Variants in ASH1L observed in about 807,000 individuals in gnomAD.
The protein encoded by ASH1L is histone-lysine N-methyltransferase ASH1L.
A neutral mutation model predicts 269.0 loss-of-function variants in ASH1L; 23 were observed. The ratio of observed to expected loss-of-function variants is 0.09; its 90% confidence interval spans 0.06 to 0.12. The LOEUF is 0.12. Among genes scored for constraint, ASH1L ranks in the 10% least tolerant of loss-of-function variants. ASH1L has a pLI of 1.00. For missense variants in ASH1L, 2,912 were observed against 3,567.8 expected (o/e 0.82, Z 4.68); for synonymous variants, 1,187 against 1,253.5 (o/e 0.95, Z 1.12).
chr1:155,548,579 C>G (rs1238354952), intron 1 of ASH1L, among the ~76,000 whole-genome samples: 1 of 152,176 alleles, frequency 6.6e-6, no homozygotes, highest in African/African-American at 2.4e-5. Flanking sequence ...ACATTTGTCT[C>G]TACATCTTGA....
At chr1:155,345,252 C>T (rs1558015609) in intron 21 of ASH1L, among the ~76,000 whole-genome samples, 1 of 127,544 alleles carries the variant, frequency 7.8e-6, no homozygotes, top group Non-Finnish European at 1.6e-5. Flanking sequence ...GTGATCTTGG[C>T]TCATTGCAAC....
intron 6 of ASH1L, among the ~76,000 whole-genome samples, chr1:155,406,712 T>C (rs1224897519): frequency 6.6e-6 from 1 of 151,804 alleles, no homozygotes; most frequent in Non-Finnish European, 1.5e-5. Flanking sequence ...AAAAAATAAA[T>C]AAATAAAAAA....
At chr1:155,422,501 G>A (rs1358502636) in intron 5 of ASH1L, among the ~76,000 whole-genome samples, 4 of 151,586 alleles carry the variant, frequency 2.6e-5, no homozygotes. Context: ...ACATGCCTCT[G>A]CCTCCCAAAG....
chr1:155,405,038 T>C (rs1026755345), intron 6 of ASH1L, among the ~76,000 whole-genome samples: 4 of 148,648 alleles, frequency 2.7e-5, no homozygotes, highest in South Asian at 2.1e-4. Flanking sequence ...AAAAAAATAA[T>C]AATAATAGAA....
At chr1:155,365,861 C>T (rs1164377261) in intron 12 of ASH1L, among the ~76,000 whole-genome samples, 1 of 152,134 alleles carries the variant, frequency 6.6e-6, no homozygotes, top group Non-Finnish European at 1.5e-5. Flanking sequence ...ACCTTGGATA[C>T]AAGAGACCCT....
intron 1 of ASH1L, among the ~76,000 whole-genome samples, chr1:155,532,860 CATATATATGTGTATATATATGTAT>C (rs1450848160): frequency 1.4e-5 from 2 of 147,118 alleles, no homozygotes; most frequent in Non-Finnish European, 3.0e-5. Flanking sequence ...TATATGCACA[CATATATATGTGTATATATATGTAT>C]ATATATATGT....
intron 1 of ASH1L, among the ~76,000 whole-genome samples, chr1:155,533,937 AAT>A (rs1669865832): frequency 1.3e-5 from 2 of 152,086 alleles, no homozygotes; most frequent in African/African-American, 4.8e-5. Context: ...AGAGCCTCAA[AAT>A]ATGTTTTGAG....
intron 4 of ASH1L, among the ~76,000 whole-genome samples, chr1:155,442,880 T>C (rs931659311): frequency 3.3e-5 from 5 of 152,178 alleles, no homozygotes; most frequent in African/African-American, 1.2e-4. Flanking sequence ...ATTCATTCTT[T>C]AGTTTACAGT....
intron 4 of ASH1L, among the ~76,000 whole-genome samples, chr1:155,448,820 T>C (rs1179123882): frequency 6.6e-6 from 1 of 151,918 alleles, no homozygotes; most frequent in African/African-American, 2.4e-5. Context: ...AATGCAGGTT[T>C]TACTTGCTCT....
At chr1:155,419,550 C>T (rs1660503001) in intron 5 of ASH1L, 1 of 152,104 alleles carries the variant, frequency 6.6e-6, no homozygotes, top group South Asian at 2.1e-4. Flanking sequence ...TTGTTCCACA[C>T]AAAAATCGAA....
chr1:155,466,013 C>G (rs1317053965), intron 3 of ASH1L, among the ~76,000 whole-genome samples: 1 of 152,134 alleles, frequency 6.6e-6, no homozygotes, highest in Non-Finnish European at 1.5e-5. Flanking sequence ...ACTAAATGCA[C>G]TACAAGAGAG....
At chr1:155,495,934 G>A (rs1667122698) in intron 2 of ASH1L, among the ~76,000 whole-genome samples, 1 of 152,098 alleles carries the variant, frequency 6.6e-6, no homozygotes, top group Admixed American at 6.5e-5. Context: ...GGAGGCGGAG[G>A]CTGCAGTGAG....
intron 6 of ASH1L, among the ~76,000 whole-genome samples, chr1:155,409,807 T>C (rs977741549): frequency 6.6e-6 from 1 of 152,000 alleles, no homozygotes; most frequent in African/African-American, 2.4e-5. Context: ...ATCATGAAGA[T>C]AGGATCAAAG....
intron 4 of ASH1L, among the ~76,000 whole-genome samples, chr1:155,449,254 T>C (rs1293601912): frequency 6.6e-6 from 1 of 152,214 alleles, no homozygotes; most frequent in African/African-American, 2.4e-5. Flanking sequence ...TTCATTTTTA[T>C]TCATTTCAAA....
rs966281418 is a variant in ASH1L at position 155,415,810 on chromosome 1, G to A, written c.5942C>T (p.Pro1981Leu). 3.1e-6 allele frequency: 5 copies of A among 1,613,836 alleles called. No homozygotes were observed. The highest frequency in any genetic ancestry group is 4.2e-6 in the Non-Finnish European group (5 of 1,180,002). The change falls in exon 6 of 28, where the codon CCC (proline) becomes CTC (leucine). Residue 1981 changes from proline to leucine, a missense_variant. Pro to Leu is a moderately conservative substitution (Grantham distance 98). Coordinates refer to ENST00000392403, the MANE Select transcript of ASH1L (RefSeq NM_018489.3). ...ATACTTCTTCTTTGGGGGACGTGGG[G>A]GCTTCTTTTCCCTTGGGATGAGAGA... ...VLSLIPREKK[P>L]PRPPKKKYQK...
At chr1:155,552,200 C>T (rs1351908636) in intron 1 of ASH1L, among the ~76,000 whole-genome samples, 1 of 152,140 alleles carries the variant, frequency 6.6e-6, no homozygotes, top group Admixed American at 6.6e-5. Flanking sequence ...GGCACAGTGG[C>T]TCACGCCTGT....
intron 1 of ASH1L, among the ~76,000 whole-genome samples, chr1:155,522,210 G>A (rs761984761): frequency 3.9e-5 from 6 of 152,116 alleles, no homozygotes; most frequent in Non-Finnish European, 8.8e-5. Context: ...GCTTTTTGAG[G>A]TTAGGACTCT....
intron 4 of ASH1L, among the ~76,000 whole-genome samples, chr1:155,441,817 G>A (rs1445358114): frequency 6.7e-6 from 1 of 148,828 alleles, no homozygotes; most frequent in Non-Finnish European, 1.5e-5. Flanking sequence ...CCAGGTTGGA[G>A]TGCAGTGGCA....
intron 4 of ASH1L, among the ~76,000 whole-genome samples, chr1:155,445,276 C>G (rs895060503): frequency 4.6e-5 from 7 of 152,074 alleles, no homozygotes; most frequent in African/African-American, 1.7e-4. Flanking sequence ...CTCCACCTCC[C>G]AGGTTCAAGC....
Sources: gnomAD v4.1 joint callset for allele counts (sites outside exome capture counted in the v4.1 genomes callset) on GRCh38, gnomAD v4.1.1 for gene constraint, MANE v1.5 for transcripts, NCBI Gene and HGNC (gene_info 2026-07-23, HGNC 2026-07-21) for gene names.